The following NR5A2 variants were observed in gnomAD, a reference collection of about 807,000 sequenced individuals.
NR5A2 encodes the protein CYP7A promoter-binding factor.
NR5A2 carries 26 observed loss-of-function variants against 62.7 expected under a neutral mutation model. That is an observed-to-expected ratio of 0.41 (90% CI 0.30 to 0.58). The LOEUF is 0.58. Ranked by LOEUF, NR5A2 falls within the 20% of genes least tolerant of loss-of-function variation. NR5A2 has a pLI of 0.22. For synonymous variants in NR5A2, 246 were observed against 241.7 expected (o/e 1.02, Z -0.16); for missense variants, 541 against 669.1 (o/e 0.81, Z 2.11).
chr1:200,126,184 G>GA (rs904289658), intron 7 of NR5A2, among the ~76,000 whole-genome samples: 4 of 151,930 alleles, frequency 2.6e-5, no homozygotes, highest in African/African-American at 9.7e-5. Flanking sequence ...AATTTGGAAG[G>GA]AAAAAAACAG....
intron 5 of NR5A2, among the ~76,000 whole-genome samples, chr1:200,104,108 A>G (rs1665528587): frequency 6.6e-6 from 1 of 152,202 alleles, no homozygotes; most frequent in South Asian, 2.1e-4. Flanking sequence ...CAGTTATCCA[A>G]GGAAGTGTTG....
chr1:200,123,849 G>A (rs1406211972), intron 7 of NR5A2, among the ~76,000 whole-genome samples: 3 of 149,794 alleles, frequency 2.0e-5, no homozygotes, highest in African/African-American at 7.4e-5. Flanking sequence ...GTGCCCAGGC[G>A]GGAGTGCAAT....
At chr1:200,099,965 A>G (rs564921307) in intron 5 of NR5A2, among the ~76,000 whole-genome samples, 22 of 152,348 alleles carry the variant, frequency 1.4e-4, no homozygotes, top group African/African-American at 5.1e-4. Context: ...AATTACAAAC[A>G]TAACCTCATT....
At chr1:200,077,464 A>G (rs1664093120) in intron 5 of NR5A2, among the ~76,000 whole-genome samples, 3 of 152,238 alleles carry the variant, frequency 2.0e-5, no homozygotes, top group African/African-American at 7.2e-5. Context: ...CTGTAATCCC[A>G]GCACATTGGG....
chr1:200,082,581 G>A (rs188846416), intron 5 of NR5A2, among the ~76,000 whole-genome samples: 3 of 152,170 alleles, frequency 2.0e-5, no homozygotes, highest in Admixed American at 2.0e-4. Context: ...TTGAATGAGA[G>A]GCAACAAATT....
intron 7 of NR5A2, among the ~76,000 whole-genome samples, chr1:200,168,276 A>G (rs958131896): frequency 7.9e-5 from 12 of 151,402 alleles, no homozygotes; most frequent in Admixed American, 1.3e-4. Flanking sequence ...CAGTGGCACA[A>G]TTACAGCCTA....
rs1343752493 is a variant in NR5A2, at chr1:200,147,191, G to A, written c.1378+26236G>A. ...TGAGATAAAGAAGCAATTGTTTCAC[G>A]CAAAAAATAGAGGGGGGCACCTCGC... On this transcript the variant is annotated intron_variant, in intron 7 of 7. Transcript: ENST00000367362. This position sits in a 1 kb window ranked among gnomAD's most constrained non-coding sequence, Gnocchi z 4.9. Among the ~76,000 whole-genome samples the A allele has an allele frequency of 6.6e-6, 1 of 152,166 alleles. No homozygotes were observed. The highest frequency in any genetic ancestry group is 2.4e-5 in the African/African-American group (1 of 41,434).
chr1:200,160,484 G>A (rs1333524307), intron 7 of NR5A2, among the ~76,000 whole-genome samples: 1 of 152,188 alleles, frequency 6.6e-6, no homozygotes, highest in Non-Finnish European at 1.5e-5. Context: ...GCTGAATCGG[G>A]CTCTTAGCCT....
intron 7 of NR5A2, among the ~76,000 whole-genome samples, chr1:200,150,031 A>G (rs1363980260): frequency 6.6e-6 from 1 of 152,022 alleles, no homozygotes; most frequent in African/African-American, 2.4e-5. Context: ...TAGGTGTTCA[A>G]GCAGCATATA....
At chr1:200,105,932 A>G (rs1558141994) in intron 5 of NR5A2, among the ~76,000 whole-genome samples, 1 of 152,202 alleles carries the variant, frequency 6.6e-6, no homozygotes, top group African/African-American at 2.4e-5. Context: ...TAAGGAAAGT[A>G]AAATAACAGC....
Position 200,048,715 on chromosome 1 carries a change from A to G in NR5A2, c.1007A>G (p.His336Arg). 1 of 1,614,234 alleles carries G rather than the reference A, an allele frequency of 6.2e-7. No individual in the cohort carries two copies. The highest frequency in any genetic ancestry group is 8.5e-7 in the Non-Finnish European group (1 of 1,180,040). Reference protein sequence around the residue: ...LQQEQANRSKHEKLSTFGLMC... With the variant: ...LQQEQANRSKREKLSTFGLMC... ...CAAGAGCAGGCTAACCGAAGCAAGC[A>G]CGAAAAGCTGAGCACCTTTGGGCTT... is the stretch of plus-strand genomic sequence containing the variant. Residue 336 changes from histidine to arginine, a missense_variant, in exon 5 of 8, where the codon CAC (histidine) becomes CGC (arginine). This residue lies in a region of NR5A2 where 379 missense variants were observed against 442.0 expected (regional missense o/e 0.86). Coordinates refer to ENST00000367362, the MANE Select transcript of NR5A2 (RefSeq NM_205860.3). The surrounding 1 kb of genome is among the most constrained non-coding windows in gnomAD (Gnocchi z 4.8).
intron 7 of NR5A2, among the ~76,000 whole-genome samples, chr1:200,131,092 T>A (rs1331229438): frequency 6.6e-6 from 1 of 152,224 alleles, no homozygotes; most frequent in Non-Finnish European, 1.5e-5. Flanking sequence ...ATTTATGTAA[T>A]CATTTGAAAT....
intron 5 of NR5A2, among the ~76,000 whole-genome samples, chr1:200,075,550 T>C (rs1663985053): frequency 6.6e-6 from 1 of 152,238 alleles, no homozygotes; most frequent in Non-Finnish European, 1.5e-5. Flanking sequence ...TAAAACTAAG[T>C]GCCACACAGA....
At chr1:200,144,478 C>T (rs931478807) in intron 7 of NR5A2, among the ~76,000 whole-genome samples, 1 of 152,164 alleles carries the variant, frequency 6.6e-6, no homozygotes, top group East Asian at 1.9e-4. Context: ...AAATGCCATT[C>T]AAAACAACCC....
In NR5A2 at chr1:200,074,936, A is replaced by C. The variant is rs547336406; in HGVS notation, c.1110+26118A>C. ...GGGGTTTACACGTGAAATTATGAAG[A>C]TATGGAATTTAGTAATAATTCTTTT... On this transcript the variant is annotated intron_variant, in intron 5 of 7. Transcript: ENST00000367362. 7.2e-5 allele frequency among the ~76,000 whole-genome samples: 11 copies of C among 152,206 alleles called. No homozygotes were observed. In the South Asian group the frequency reaches 2.1e-3, roughly 29 times the overall value.
chr1:200,051,575 G>T (rs1662635800), intron 5 of NR5A2, among the ~76,000 whole-genome samples: 1 of 152,184 alleles, frequency 6.6e-6, no homozygotes, highest in African/African-American at 2.4e-5. Flanking sequence ...GTCTACAAGG[G>T]GTGGGAGATG....
intron 7 of NR5A2, among the ~76,000 whole-genome samples, chr1:200,121,462 C>T (rs1042853956): frequency 1.3e-5 from 2 of 152,044 alleles, no homozygotes; most frequent in African/African-American, 4.8e-5. Context: ...TATGCAAGTA[C>T]AAAAGATGAC....
rs58775070 is a variant in NR5A2, at chr1:200,068,807, T to C, written c.1110+19989T>C. Among the ~76,000 whole-genome samples, 975 of 152,226 alleles carry C rather than the reference T, an allele frequency of 6.4e-3. 15 individuals carry two copies. Among genetic ancestry groups the C allele is most frequent in the African/African-American group, 0.023 (940 of 41,510 alleles). On this transcript the variant is annotated intron_variant, in intron 5 of 7. Transcript: ENST00000367362. ...AGGTATTTCTTGTGTAGAATATCATTTGGGCTAGGAGGAGGTAGAAATAAA... is the reference window on the plus strand; with the variant it reads ...AGGTATTTCTTGTGTAGAATATCATCTGGGCTAGGAGGAGGTAGAAATAAA...
intron 7 of NR5A2, among the ~76,000 whole-genome samples, chr1:200,166,327 A>T (rs1653899057): frequency 6.6e-6 from 1 of 152,224 alleles, no homozygotes; most frequent in Admixed American, 6.6e-5. Flanking sequence ...AGAAGTCCCC[A>T]CAAAGGTGCC....
Sources: allele counts gnomAD v4.1 joint callset (sites outside exome capture counted in the v4.1 genomes callset), GRCh38; gene constraint gnomAD v4.1.1; regional missense constraint gnomAD v4.1.1; non-coding constraint Gnocchi (gnomAD v3.1); transcripts MANE v1.5; gene names NCBI Gene and HGNC (gene_info 2026-07-23, HGNC 2026-07-21).